Variants in PSME4 observed in about 807,000 individuals in gnomAD.
PSME4 encodes the protein proteasome activator complex subunit 4.
A neutral mutation model predicts 253.9 loss-of-function variants in PSME4; 89 were observed. That is an observed-to-expected ratio of 0.35 (90% CI 0.30 to 0.42). The LOEUF is 0.42. Ranked by LOEUF, PSME4 falls within the 10% of genes least tolerant of loss-of-function variation. PSME4 has a pLI of 1.00. For missense variants in PSME4, 2,014 were observed against 2,195.2 expected (o/e 0.92, Z 1.65); for synonymous variants, 851 against 759.2 (o/e 1.12, Z -1.99).
chr2:53,921,125 G>C, intron 17 of PSME4, 21 bp from the exon 18 acceptor site: 4 of 1,612,182 alleles, frequency 2.5e-6, no homozygotes, highest in African/African-American at 1.3e-5. Flanking sequence ...GGAAAAAATA[G>C]TTGAAGATAT....
chr2:53,903,877 A>AAAT, intron 27 of PSME4, 148 bp downstream of exon 27: 2 of 630,628 alleles, frequency 3.2e-6, no homozygotes, highest in Non-Finnish European at 5.4e-6. Flanking sequence ...ATTAAAAAAA[A>AAAT]GAACAGATAT....
chr2:53,911,640 T>G (rs1009936936), intron 20 of PSME4, among the ~76,000 whole-genome samples: 1 of 151,160 alleles, frequency 6.6e-6, no homozygotes, highest in Non-Finnish European at 1.5e-5. Flanking sequence ...AGCCATCCTA[T>G]TAGAGTATGT....
At chr2:53,890,888 G>C (rs915382830) in intron 36 of PSME4, among the ~76,000 whole-genome samples, 1 of 152,108 alleles carries the variant, frequency 6.6e-6, no homozygotes. Flanking sequence ...TTAGCTGAGC[G>C]TAGTGGCACA....
intron 1 of PSME4, among the ~76,000 whole-genome samples, chr2:53,954,896 T>C (rs1245199482): frequency 6.6e-6 from 1 of 151,260 alleles, no homozygotes; most frequent in East Asian, 1.9e-4. Flanking sequence ...AATGCCAAAA[T>C]GAGCGAGACA....
chr2:53,949,138 C>T lies in PSME4; in HGVS notation c.383+5G>A. ...CTTAACAGAAACCTCTGGAAAAAGA[C>T]TTACTTTAACAAGTTGATCAAAAGG... On this transcript the variant is annotated splice_donor_5th_base_variant and intron_variant, in intron 2 of 46. Transcript: ENST00000404125. 6.3e-7 allele frequency: 1 copy of T among 1,584,572 alleles called. No individual in the cohort carries two copies. The highest frequency in any genetic ancestry group is 1.2e-5 in the South Asian group (1 of 84,386).
intron 1 of PSME4, among the ~76,000 whole-genome samples, chr2:53,959,250 A>T (rs1006808652): frequency 6.6e-6 from 1 of 152,062 alleles, no homozygotes; most frequent in Non-Finnish European, 1.5e-5. Flanking sequence ...CTGTAGTCCC[A>T]GCTATTTGGG....
At chr2:53,965,039 A>G (rs1670650389) in intron 1 of PSME4, among the ~76,000 whole-genome samples, 1 of 152,070 alleles carries the variant, frequency 6.6e-6, no homozygotes, top group Non-Finnish European at 1.5e-5. Context: ...AATTTGCTTC[A>G]TCTTACACCA....
In PSME4 at chr2:53,937,489, T is replaced by G; in HGVS notation, c.597A>C (p.Leu199Phe). ...GCATGGTTACATCAAAAGGGCACAT[T>G]AAAGGTCGCCATTCTTCTAGCATCT... ...TAEMLEEWRP[L>F]MCPFDVTMQK... Residue 199 changes from leucine to phenylalanine, a missense_variant, in exon 5 of 47, where the codon TTA (leucine) becomes TTC (phenylalanine). By Grantham distance (22) the Leu-to-Phe change is conservative. Transcript: ENST00000404125. 6.2e-7 allele frequency: 1 copy of G among 1,611,662 alleles called. No homozygotes were observed. Among genetic ancestry groups the G allele is most frequent in the Non-Finnish European group, 8.5e-7 (1 of 1,178,922 alleles).
chr2:53,961,069 T>G (rs1192043180), intron 1 of PSME4, among the ~76,000 whole-genome samples: 2 of 152,146 alleles, frequency 1.3e-5, no homozygotes, highest in African/African-American at 2.4e-5. Context: ...ATGGTACAAT[T>G]GCACTCCAGC....
intron 41 of PSME4, among the ~76,000 whole-genome samples, chr2:53,883,706 A>G (rs1259348164): frequency 1.3e-5 from 2 of 151,392 alleles, no homozygotes; most frequent in East Asian, 1.9e-4. Flanking sequence ...TTGTGTTCTC[A>G]TCACCCTAAC....
chr2:53,883,325 C>T (rs1453674918), intron 41 of PSME4, among the ~76,000 whole-genome samples: 13 of 152,152 alleles, frequency 8.5e-5, no homozygotes, highest in Non-Finnish European at 1.5e-5. Context: ...CATGAGACCC[C>T]ATCTCTACAA....
intron 40 of PSME4, among the ~76,000 whole-genome samples, chr2:53,886,610 A>T (rs977253764): frequency 2.6e-5 from 4 of 152,210 alleles, no homozygotes; most frequent in African/African-American, 9.7e-5. Flanking sequence ...TGGAATGTAA[A>T]ATGGTGCAGC....
intron 1 of PSME4, among the ~76,000 whole-genome samples, chr2:53,966,125 A>C (rs1347895671): frequency 6.6e-6 from 1 of 152,006 alleles, no homozygotes; most frequent in Non-Finnish European, 1.5e-5. Flanking sequence ...TCTCTAATAA[A>C]AATACAAATA....
At chr2:53,913,639 T>C (rs1667928143) in intron 20 of PSME4, among the ~76,000 whole-genome samples, 1 of 152,200 alleles carries the variant, frequency 6.6e-6, no homozygotes, top group Non-Finnish European at 1.5e-5. Context: ...TATTTTTGTG[T>C]TCTATTATCC....
chr2:53,887,294 T>C lies in PSME4; in HGVS notation c.4694A>G (p.Asp1565Gly). ...VMEENGIGEE[D>G]ERTQGIKLLK... ...GAGTTTAATGCCCTGAGTTCGCTCA[T>C]CTTCTTCACCAATTCCATTTTCTTC... The change falls in exon 40 of 47, where the codon GAT becomes GGT. Residue 1565 changes from aspartate to glycine, a missense_variant. Transcript: ENST00000404125. The C allele has an allele frequency of 1.2e-6, 2 of 1,614,066 alleles. No homozygotes were observed. Among genetic ancestry groups the C allele is most frequent in the Non-Finnish European group, 1.7e-6 (2 of 1,179,930 alleles).
In PSME4 at chr2:53,940,998, T is replaced by TATATATATATATATATGA. The variant is rs1553338492; in HGVS notation, c.501-999_501-998insTCATATATATATATATAT. On this transcript the variant is annotated intron_variant, in intron 3 of 46. Transcript: ENST00000404125. ...ATATATATATATATATATATATATATATGAAAGGAGTAAGTTTCAGGCAAT... is the reference window on the plus strand; with the variant it reads ...ATATATATATATATATATATATATATATATATATATATATATGAATGAAAGGAGTAAGTTTCAGGCAAT... 4.7e-5 allele frequency among the ~76,000 whole-genome samples: 4 copies of TATATATATATATATATGA among 85,910 alleles called. 1 individual carries two copies. The highest frequency in any genetic ancestry group is 4.8e-4 in the South Asian group (1 of 2,104). 56.4% of individuals were successfully genotyped at this position (85,910 alleles called of 152,430 possible). A position where few individuals can be genotyped will look rare whatever the true frequency, so the allele number is the denominator to read the frequency against.
chr2:53,874,587 C>A (rs1679036936), intron 42 of PSME4, 93 bp from the exon 43 acceptor site: 4 of 1,206,714 alleles, frequency 3.3e-6, no homozygotes, highest in Admixed American at 4.9e-5. Flanking sequence ...ATGTAATATT[C>A]TAATTTAACT....
At chr2:53,891,840 C>A (rs1358245361) in intron 36 of PSME4, among the ~76,000 whole-genome samples, 1 of 134,550 alleles carries the variant, frequency 7.4e-6, no homozygotes, top group East Asian at 2.2e-4. Context: ...GGCGATAGGG[C>A]GATAGAGTAA....
intron 20 of PSME4, among the ~76,000 whole-genome samples, chr2:53,911,824 A>G (rs551225662): frequency 6.6e-6 from 1 of 152,260 alleles, no homozygotes; most frequent in African/African-American, 2.4e-5. Flanking sequence ...TTTATAACCA[A>G]TTATTCTCCA....
Sources: allele counts gnomAD v4.1 joint callset (sites outside exome capture counted in the v4.1 genomes callset), GRCh38; gene constraint gnomAD v4.1.1; transcripts MANE v1.5; gene names NCBI Gene and HGNC (gene_info 2026-07-23, HGNC 2026-07-21).